Variants in ESRRG observed in about 807,000 individuals in gnomAD.
The protein encoded by ESRRG is estrogen-related receptor gamma.
Under a neutral mutation model 44.0 loss-of-function variants are expected in ESRRG, and 13 were observed. That is an observed-to-expected ratio of 0.30 (90% confidence interval 0.19 to 0.47). The LOEUF (loss-of-function observed/expected upper bound fraction) is 0.47, where lower values mean the gene tolerates loss of function less well. ESRRG is among the 20% of genes least tolerant of loss of function. ESRRG has a pLI of 1.00. For synonymous variants in ESRRG, 215 were observed against 214.6 expected, an observed-to-expected ratio of 1.00 and a Z score of -0.02; for missense variants, 395 against 580.6, an observed-to-expected ratio of 0.68 and a Z score of 3.29.
At chr1:216,893,014 T>A (rs1400676162) in intron 2 of ESRRG, among the ~76,000 whole-genome samples, 1 of 152,178 alleles carries the variant, frequency 6.6e-6, no homozygotes, top group African/African-American at 2.4e-5. Context: ...TAGCTGCACA[T>A]TTAAGACTAC....
chr1:216,616,374 C>T (rs915795029), intron 3 of ESRRG, among the ~76,000 whole-genome samples: 2 of 152,190 alleles, frequency 1.3e-5, no homozygotes, highest in Admixed American at 6.5e-5. Context: ...AGCTAATGTC[C>T]TCTTCACAAT....
chr1:216,928,944 T>C (rs10458465), intron 2 of ESRRG, among the ~76,000 whole-genome samples: 69,038 of 151,886 alleles, frequency 0.45, 16,324 homozygotes, highest in Middle Eastern at 0.55. Flanking sequence ...ATGCTAGGGA[T>C]AGGAGGAGAG....
chr1:216,533,219 C>G (rs1462269111), intron 5 of ESRRG, among the ~76,000 whole-genome samples: 1 of 151,912 alleles, frequency 6.6e-6, no homozygotes, highest in Non-Finnish European at 1.5e-5. Flanking sequence ...GTGGCACTTA[C>G]AGGCCCTCAC....
At chr1:217,105,409 A>G (rs912319407) in intron 1 of ESRRG, among the ~76,000 whole-genome samples, 1 of 152,148 alleles carries the variant, frequency 6.6e-6, no homozygotes, top group East Asian at 1.9e-4. Flanking sequence ...GTTCAGAGAG[A>G]TGAAATACTT....
chr1:216,540,184 CTGT>C (rs893034172), intron 5 of ESRRG, among the ~76,000 whole-genome samples: 18 of 151,896 alleles, frequency 1.2e-4, no homozygotes, highest in African/African-American at 4.3e-4. Flanking sequence ...AATTCATATA[CTGT>C]TATTAATTTT....
intron 4 of ESRRG, among the ~76,000 whole-genome samples, chr1:216,566,077 A>G (rs1333917725): frequency 6.6e-6 from 1 of 152,118 alleles, no homozygotes; most frequent in Non-Finnish European, 1.5e-5. Flanking sequence ...TGAAGCTTAG[A>G]AATTCCCATC....
At position 217,032,889 on chromosome 1, in the gene ESRRG, T is replaced by C. The variant is rs185881010; in HGVS notation, c.-106+56618A>G. ...GCAATAATTGGTCCCCATTGTTACA[T>C]GCACAATTTGGCTGCTCACATGTAA... On this transcript the variant is annotated intron_variant, in intron 1 of 7. Transcript: ENST00000359162. Among the ~76,000 whole-genome samples the C allele has an allele frequency of 4.6e-5, 7 of 152,352 alleles. No individual in the cohort carries two copies. The East Asian group carries it at 1.4e-3, about 29-fold the overall frequency.
intron 3 of ESRRG, among the ~76,000 whole-genome samples, chr1:216,580,260 T>C (rs1021610513): frequency 6.6e-6 from 1 of 152,216 alleles, no homozygotes; most frequent in African/African-American, 2.4e-5. Context: ...AACTGGAATG[T>C]ACACAGACAA....
chr1:216,698,844 C>T (rs1166536600), intron 1 of ESRRG, among the ~76,000 whole-genome samples: 1 of 152,154 alleles, frequency 6.6e-6, no homozygotes, highest in Non-Finnish European at 1.5e-5. Context: ...GGTAACTGAG[C>T]TTTAGGAAAA....
At chr1:216,694,346 T>C (rs542695181) in intron 1 of ESRRG, among the ~76,000 whole-genome samples, 2 of 152,136 alleles carry the variant, frequency 1.3e-5, no homozygotes, top group South Asian at 2.1e-4. Flanking sequence ...GAGGGGGTGG[T>C]GCTGAAGAAT....
chr1:217,073,113 G>C (rs528693684), intron 1 of ESRRG, among the ~76,000 whole-genome samples: 3 of 138,372 alleles, frequency 2.2e-5, no homozygotes, highest in Admixed American at 1.7e-4. Flanking sequence ...CCTTGCAGCT[G>C]TCTCTGCCCG....
chr1:216,860,106 A>G (rs2149086001), intron 2 of ESRRG, among the ~76,000 whole-genome samples: 1 of 152,284 alleles, frequency 6.6e-6, no homozygotes, highest in Non-Finnish European at 1.5e-5. Context: ...TCCACTAAAA[A>G]TATAAAAACT....
At chr1:216,846,768 C>T (rs2095756477) in intron 2 of ESRRG, among the ~76,000 whole-genome samples, 2 of 151,846 alleles carry the variant, frequency 1.3e-5, no homozygotes, top group Admixed American at 1.3e-4. Context: ...GAATCCTGAC[C>T]CAATTAACAT....
chr1:216,547,947 A>G (rs1442912673), intron 5 of ESRRG, among the ~76,000 whole-genome samples: 3 of 152,106 alleles, frequency 2.0e-5, no homozygotes, highest in African/African-American at 7.2e-5. Context: ...CATGAGCTAT[A>G]TGGCTTTCAT....
rs1491192210 is a variant in ESRRG at position 217,133,631 on chromosome 1, T to TTCTTTCTTTCTC, written c.-230+4035_-230+4036insGAGAAAGAAAGA. ...TTTCTTTCTTTCTTTCTTTCTTTCT[T>TTCTTTCTTTCTC]TCTCTCTCTCTCTCTCTTTCTTTCT... On this transcript the variant is annotated intron_variant, in intron 1 of 8. Transcript: ENST00000366940. 1.9e-4 allele frequency among the ~76,000 whole-genome samples: 11 copies of TTCTTTCTTTCTC among 58,450 alleles called. No homozygotes were observed. The South Asian group carries it at 3.3e-3, about 18-fold the overall frequency. The allele number at this position is 58,450 out of a possible 152,430, so 38.3% of individuals were successfully genotyped here.
At chr1:216,577,212 C>G (rs1057090085) in intron 3 of ESRRG, among the ~76,000 whole-genome samples, 2 of 151,710 alleles carry the variant, frequency 1.3e-5, no homozygotes, top group African/African-American at 4.8e-5. Flanking sequence ...GATGCTTGGC[C>G]TGCATTTGCT....
At position 216,506,584 on chromosome 1, in the gene ESRRG, G is replaced by C. The variant is rs2041256472; in HGVS notation, c.*355C>G. 1 of 467,984 alleles carries C rather than the reference G, an allele frequency of 2.1e-6. No individual in the cohort carries two copies. The highest frequency in any genetic ancestry group is 4.2e-6 in the Non-Finnish European group (1 of 236,218). The allele number at this position is 467,984 out of a possible 1,614,324, so 29.0% of individuals were successfully genotyped here. A position where few individuals can be genotyped will look rare whatever the true frequency, so the allele number is the denominator to read the frequency against. On this transcript the variant is annotated 3_prime_UTR_variant, in exon 7 of 7. Transcript: ENST00000408911. ...GAAGGATGAGAAAAGAGAGGAATGA[G>C]AGTAGGTAAAGAAAAGAAAGAAGGC...
At chr1:217,007,100 G>A (rs968565962) in intron 1 of ESRRG, among the ~76,000 whole-genome samples, 1 of 152,110 alleles carries the variant, frequency 6.6e-6, no homozygotes, top group Non-Finnish European at 1.5e-5. Flanking sequence ...GGAGTTCAGA[G>A]ATGATAGAGA....
intron 2 of ESRRG, among the ~76,000 whole-genome samples, chr1:216,925,730 C>A (rs181321496): frequency 7.2e-5 from 11 of 151,894 alleles, no homozygotes; most frequent in African/African-American, 1.9e-4. Flanking sequence ...GAGGAAGGAT[C>A]GCCTGAGGTC....
Sources: allele counts gnomAD v4.1 joint callset (sites outside exome capture counted in the v4.1 genomes callset), GRCh38; gene constraint gnomAD v4.1.1; transcripts MANE v1.5; gene names NCBI Gene and HGNC (gene_info 2026-07-23, HGNC 2026-07-21).